CHODL: variants seen among roughly 807,000 people sequenced by gnomAD.
CHODL encodes the protein transmembrane protein MT75.
In CHODL, 29 loss-of-function variants were observed where a neutral mutation model predicts 34.5. The ratio of observed to expected loss-of-function variants is 0.84; its 90% CI spans 0.63 to 1.15. The LOEUF is 1.15. Ranked by LOEUF, CHODL falls within the 50% of genes most tolerant of loss-of-function variation. The pLI, the probability that CHODL is intolerant of heterozygous loss-of-function variation, is 0.00. For synonymous variants in CHODL, 125 were observed against 116.1 expected, an observed-to-expected ratio of 1.08 and a Z score of -0.49; for missense variants, 332 against 332.5, an observed-to-expected ratio of 1.00 and a Z score of 0.01.
intron 1 of CHODL, among the ~76,000 whole-genome samples, chr21:18,010,488 T>C (rs2064009175): frequency 6.6e-6 from 1 of 152,140 alleles, no homozygotes; most frequent in Admixed American, 6.5e-5. Flanking sequence ...CTGTGTCCCA[T>C]GTTTAAACAC....
chr21:17,979,674 G>A (rs1285141950), intron 1 of CHODL, among the ~76,000 whole-genome samples: 1 of 152,188 alleles, frequency 6.6e-6, no homozygotes, highest in Non-Finnish European at 1.5e-5. Context: ...CAGCAGTAAT[G>A]AGTTACAAAT....
At chr21:18,208,095 T>G (rs1601149216) in intron 2 of CHODL, among the ~76,000 whole-genome samples, 2 of 152,226 alleles carry the variant, frequency 1.3e-5, no homozygotes, top group East Asian at 3.9e-4. Context: ...ATAACTTGAA[T>G]TAGATTAAGA....
At chr21:18,232,664 C>G (rs1441026558) in intron 2 of CHODL, among the ~76,000 whole-genome samples, 1 of 151,870 alleles carries the variant, frequency 6.6e-6, no homozygotes, top group African/African-American at 2.4e-5. Context: ...AAATCTATAT[C>G]TAACCTTAAA....
Position 18,107,409 on chromosome 21 carries a change from G to A in CHODL, c.-45+79438G>A, listed in dbSNP as rs536073602. Among the ~76,000 whole-genome samples the A allele has an allele frequency of 3.6e-4, 55 of 152,330 alleles. 1 individual carries two copies. The Middle Eastern group carries it at 0.017, about 47-fold the overall frequency. ...CCTTGGAAAGACAAATGCACAGCAG[G>A]GGGGAAAGGCAAATCTCACAAAAAT... On this transcript the variant is annotated intron_variant, in intron 2 of 6. Transcript: ENST00000400127.
chr21:18,002,838 G>A (rs929925538), intron 1 of CHODL, among the ~76,000 whole-genome samples: 2 of 152,126 alleles, frequency 1.3e-5, no homozygotes, highest in African/African-American at 4.8e-5. Flanking sequence ...GAGTCCAAGA[G>A]CCCGGCCGGG....
intron 1 of CHODL, among the ~76,000 whole-genome samples, chr21:18,248,673 C>CAT (rs1171455904): frequency 3.6e-3 from 382 of 107,126 alleles, no homozygotes; most frequent in African/African-American, 0.014. Flanking sequence ...ATGTATAATA[C>CAT]ATATATGTAT....
At chr21:18,167,209 C>G (rs202167354) in intron 2 of CHODL, among the ~76,000 whole-genome samples, 1,328 of 129,112 alleles carry the variant, frequency 0.01, 29 homozygotes, top group East Asian at 0.078. Flanking sequence ...ATTTCTCTCT[C>G]TCTGTGTGTG....
At chr21:18,035,606 T>G (rs1371752457) in intron 2 of CHODL, among the ~76,000 whole-genome samples, 1 of 152,052 alleles carries the variant, frequency 6.6e-6, no homozygotes, top group Non-Finnish European at 1.5e-5. Flanking sequence ...CTTGAAGTTG[T>G]CCCACAGTTT....
intron 2 of CHODL, among the ~76,000 whole-genome samples, chr21:18,148,584 G>A (rs2072927901): frequency 6.6e-6 from 1 of 152,078 alleles, no homozygotes; most frequent in Non-Finnish European, 1.5e-5. Context: ...AGTCATTTAT[G>A]AGGTGTGAGG....
intron 2 of CHODL, among the ~76,000 whole-genome samples, chr21:18,034,945 TGAGA>T (rs759854188): frequency 6.6e-6 from 1 of 152,120 alleles, no homozygotes; most frequent in African/African-American, 2.4e-5. Context: ...TCATCTCAGA[TGAGA>T]GAAACAGTTA....
intron 2 of CHODL, among the ~76,000 whole-genome samples, chr21:18,070,533 T>C (rs2064790800): frequency 6.6e-6 from 1 of 152,212 alleles, no homozygotes; most frequent in Middle Eastern, 3.2e-3. Context: ...GCATTAAGCC[T>C]GCCTGCCTTT....
At chr21:18,182,476 A>G (rs2073393426) in intron 2 of CHODL, among the ~76,000 whole-genome samples, 1 of 152,214 alleles carries the variant, frequency 6.6e-6, no homozygotes, top group Non-Finnish European at 1.5e-5. Flanking sequence ...ATGAGTGTGT[A>G]AAATCATCAC....
chr21:18,197,531 G>C (rs1445925028), intron 2 of CHODL, among the ~76,000 whole-genome samples: 6 of 152,194 alleles, frequency 3.9e-5, no homozygotes, highest in Non-Finnish European at 7.3e-5. Flanking sequence ...TGGGAGAATT[G>C]CTTGAACCCG....
intron 2 of CHODL, among the ~76,000 whole-genome samples, chr21:18,063,462 G>T (rs1474971852): frequency 1.3e-5 from 2 of 152,108 alleles, no homozygotes; most frequent in African/African-American, 4.8e-5. Context: ...TCTCATTTGT[G>T]TACAGATTTT....
chr21:18,215,653 A>G (rs1325290375), intron 2 of CHODL, among the ~76,000 whole-genome samples: 1 of 152,174 alleles, frequency 6.6e-6, no homozygotes, highest in Non-Finnish European at 1.5e-5. Context: ...TCCTTAAGTC[A>G]TCGATGATTC....
At chr21:17,948,019 G>C (rs897386301) in intron 1 of CHODL, among the ~76,000 whole-genome samples, 1 of 152,110 alleles carries the variant, frequency 6.6e-6, no homozygotes, top group African/African-American at 2.4e-5. Context: ...GATGAAACTG[G>C]AAGCCATTAT....
intron 2 of CHODL, among the ~76,000 whole-genome samples, chr21:18,044,288 G>C (rs182620862): frequency 2.6e-4 from 40 of 152,044 alleles, no homozygotes; most frequent in Admixed American, 2.2e-3. Context: ...AAATGCTCTT[G>C]TATTTACATT....
chr21:18,039,555 T>C (rs1487318037), intron 2 of CHODL, among the ~76,000 whole-genome samples: 1 of 151,808 alleles, frequency 6.6e-6, no homozygotes, highest in Non-Finnish European at 1.5e-5. Context: ...TATTGTTTTC[T>C]ATATTCTAAA....
chr21:18,025,787 T>C (rs771913305), intron 1 of CHODL, among the ~76,000 whole-genome samples: 8 of 152,114 alleles, frequency 5.3e-5, no homozygotes, highest in Admixed American at 2.0e-4. Flanking sequence ...GACTCGAATA[T>C]GGCTGCCTTC....
Sources: gnomAD v4.1 joint callset for allele counts (sites outside exome capture counted in the v4.1 genomes callset) on GRCh38, gnomAD v4.1.1 for gene constraint, MANE v1.5 for transcripts, NCBI Gene and HGNC (gene_info 2026-07-23, HGNC 2026-07-21) for gene names.